Variants in SPOCK3 observed in about 807,000 individuals in gnomAD.
SPOCK3 encodes the protein SPARC (osteonectin), cwcv and kazal like domains proteoglycan 3.
Under a neutral mutation model 56.6 loss-of-function variants are expected in SPOCK3, and 30 were observed. That is an observed-to-expected ratio of 0.53 (90% CI 0.40 to 0.72). The LOEUF (loss-of-function observed/expected upper bound fraction) is 0.72, where lower values mean the gene tolerates loss of function less well. SPOCK3 is among the 30% of genes least tolerant of loss of function. SPOCK3 has a pLI of 0.00. For synonymous variants in SPOCK3, 196 were observed against 183.3 expected, an observed-to-expected ratio of 1.07 and a Z score of -0.56; for missense variants, 527 against 530.0, an observed-to-expected ratio of 0.99 and a Z score of 0.06.
intron 2 of SPOCK3, among the ~76,000 whole-genome samples, chr4:167,186,466 A>G (rs1466539920): frequency 6.6e-6 from 1 of 151,958 alleles, no homozygotes; most frequent in East Asian, 1.9e-4. Flanking sequence ...ATCTCTACTG[A>G]AAATACAAAA....
At chr4:166,778,598 C>G (rs2126605331) in intron 7 of SPOCK3, among the ~76,000 whole-genome samples, 1 of 152,180 alleles carries the variant, frequency 6.6e-6, no homozygotes, top group Non-Finnish European at 1.5e-5. Context: ...TATTCAAGGA[C>G]AGGTAAGACA....
chr4:166,737,344 C>T, intron 10 of SPOCK3, 123 bp downstream of exon 10: 1 of 1,054,646 alleles, frequency 9.5e-7, no homozygotes, highest in African/African-American at 1.6e-5. Context: ...TCCCTCCACC[C>T]TAGATATTCT....
In SPOCK3 at chr4:166,933,116, T is replaced by C. The variant is rs561510063; in HGVS notation, c.351-20373A>G. ...ATAAATAAATTTCATTAATACAATATTAAAATGATGATACTACAAATAACA... is the reference window on the plus strand; with the variant it reads ...ATAAATAAATTTCATTAATACAATACTAAAATGATGATACTACAAATAACA... On this transcript the variant is annotated intron_variant, in intron 4 of 10. Transcript: ENST00000357545. Among the ~76,000 whole-genome samples the C allele has an allele frequency of 2.6e-5, 4 of 152,302 alleles. No homozygotes were observed. In the South Asian group the frequency reaches 8.3e-4, roughly 32 times the overall value.
intron 6 of SPOCK3, among the ~76,000 whole-genome samples, chr4:166,839,402 G>A (rs549534944): frequency 6.6e-6 from 1 of 152,298 alleles, no homozygotes; most frequent in South Asian, 2.1e-4. Context: ...CTGGGTGGTA[G>A]TGAAAGTCTT....
intron 7 of SPOCK3, among the ~76,000 whole-genome samples, chr4:166,773,519 A>T (rs993148774): frequency 5.3e-5 from 8 of 152,152 alleles, no homozygotes; most frequent in Admixed American, 2.6e-4. Context: ...TATACCAGAG[A>T]TTGTATAAGA....
intron 6 of SPOCK3, among the ~76,000 whole-genome samples, chr4:166,828,571 A>T (rs1248539090): frequency 6.6e-6 from 1 of 152,042 alleles, no homozygotes. Context: ...CCCAAGGCAC[A>T]CACACTATTA....
At chr4:167,114,862 A>C (rs760977600) in intron 2 of SPOCK3, among the ~76,000 whole-genome samples, 1 of 152,076 alleles carries the variant, frequency 6.6e-6, no homozygotes, top group Non-Finnish European at 1.5e-5. Flanking sequence ...TACAGTGTTC[A>C]TACTAAGACT....
chr4:166,785,759 A>G (rs550681832), intron 7 of SPOCK3, among the ~76,000 whole-genome samples: 2 of 152,278 alleles, frequency 1.3e-5, no homozygotes, highest in South Asian at 2.1e-4. Flanking sequence ...CAATTCTGCT[A>G]TCATCAGAAT....
intron 4 of SPOCK3, among the ~76,000 whole-genome samples, chr4:166,950,695 C>T (rs1457359867): frequency 6.7e-6 from 1 of 149,064 alleles, no homozygotes; most frequent in Admixed American, 6.6e-5. Context: ...GTAAAGCTCT[C>T]CTCAGCAAAT....
intron 2 of SPOCK3, among the ~76,000 whole-genome samples, chr4:167,207,208 T>C (rs948236979): frequency 3.3e-5 from 5 of 152,098 alleles, no homozygotes; most frequent in African/African-American, 1.2e-4. Flanking sequence ...GACAGATGTG[T>C]TGATTTACTG....
chr4:167,004,509 T>A (rs1375726520), intron 3 of SPOCK3, among the ~76,000 whole-genome samples: 5 of 152,104 alleles, frequency 3.3e-5, no homozygotes, highest in African/African-American at 1.2e-4. Context: ...CCTGGCATGA[T>A]TTTAGCTAGA....
chr4:166,983,792 G>A (rs78714293), intron 4 of SPOCK3, among the ~76,000 whole-genome samples: 1,558 of 152,056 alleles, frequency 0.01, 16 homozygotes, highest in Middle Eastern at 0.02. Flanking sequence ...GTTATCTCTC[G>A]ATTGAATTAA....
At chr4:167,078,312 G>GTC (rs1352401717) in intron 2 of SPOCK3, among the ~76,000 whole-genome samples, 15 of 4,934 alleles carry the variant, frequency 3.0e-3, no homozygotes, top group Non-Finnish European at 5.3e-3. Flanking sequence ...ATAACTCTGT[G>GTC]TGTGTGTGTG....
intron 2 of SPOCK3, among the ~76,000 whole-genome samples, chr4:167,072,982 T>C (rs1431207161): frequency 2.0e-5 from 3 of 151,956 alleles, no homozygotes; most frequent in South Asian, 2.1e-4. Flanking sequence ...ATCAAAACTT[T>C]AGATATTGTT....
chr4:166,814,522 T>C (rs1193781813), intron 6 of SPOCK3, among the ~76,000 whole-genome samples: 1 of 152,058 alleles, frequency 6.6e-6, no homozygotes, highest in Non-Finnish European at 1.5e-5. Context: ...GGCTTGCTGA[T>C]TCTTCTGGCT....
At chr4:167,137,795 C>T (rs543319131) in intron 2 of SPOCK3, among the ~76,000 whole-genome samples, 1 of 151,858 alleles carries the variant, frequency 6.6e-6, no homozygotes, top group African/African-American at 2.4e-5. Context: ...GTTTATTTTT[C>T]ATACTGTTAC....
chr4:167,022,564 AG>A (rs1258452285), intron 3 of SPOCK3, among the ~76,000 whole-genome samples: 2 of 152,058 alleles, frequency 1.3e-5, no homozygotes, highest in Non-Finnish European at 2.9e-5. Flanking sequence ...ACCCACAGGT[AG>A]GGCCTCAGAT....
chr4:167,053,455 G>A (rs1754427422), intron 3 of SPOCK3, among the ~76,000 whole-genome samples: 1 of 152,032 alleles, frequency 6.6e-6, no homozygotes, highest in South Asian at 2.1e-4. Context: ...GGGAGGCCGA[G>A]GGGCAGATCA....
intron 2 of SPOCK3, among the ~76,000 whole-genome samples, chr4:167,063,933 A>G (rs1298300582): frequency 6.6e-6 from 1 of 151,878 alleles, no homozygotes; most frequent in Non-Finnish European, 1.5e-5. Context: ...TAAATCTAAT[A>G]TATTTACGGT....
Sources: allele counts gnomAD v4.1 joint callset (sites outside exome capture counted in the v4.1 genomes callset), GRCh38; gene constraint gnomAD v4.1.1; transcripts MANE v1.5; gene names NCBI Gene and HGNC (gene_info 2026-07-23, HGNC 2026-07-21).